SARAF: variants seen among roughly 807,000 people sequenced by gnomAD.
SARAF encodes the protein store-operated calcium entry associated regulatory factor.
A neutral mutation model predicts 39.7 loss-of-function variants in SARAF; 23 were observed. The ratio of observed to expected loss-of-function variants is 0.58; its 90% CI spans 0.42 to 0.82. The LOEUF (loss-of-function observed/expected upper bound fraction) is 0.82, where lower values mean the gene tolerates loss of function less well. SARAF is among the 40% of genes least tolerant of loss of function. SARAF has a pLI of 0.00. For missense variants in SARAF, 384 were observed against 418.5 expected (o/e 0.92, Z 0.72); for synonymous variants, 175 against 168.5 (o/e 1.04, Z -0.30).
At chr8:30,080,733 T>C (rs978980396) in intron 1 of SARAF, among the ~76,000 whole-genome samples, 5 of 152,332 alleles carry the variant, frequency 3.3e-5, no homozygotes, top group Admixed American at 2.6e-4. Flanking sequence ...TACTGCTCAA[T>C]GTGAGCTAAA....
At chr8:30,073,189 G>A (rs1385149659) in intron 2 of SARAF, among the ~76,000 whole-genome samples, 2 of 152,182 alleles carry the variant, frequency 1.3e-5, no homozygotes, top group African/African-American at 4.8e-5. Context: ...ATGGAGAGGG[G>A]AAATCGTCAA....
intron 5 of SARAF, chr8:30,065,647 G>T: frequency 4.5e-6 from 1 of 219,938 alleles, no homozygotes; most frequent in African/African-American, 2.3e-5. Flanking sequence ...TATCTTTTTT[G>T]AATGTTATTG....
At chr8:30,071,619 C>A (rs949207028) in intron 2 of SARAF, among the ~76,000 whole-genome samples, 2 of 152,184 alleles carry the variant, frequency 1.3e-5, no homozygotes, top group African/African-American at 4.8e-5. Flanking sequence ...AGCAGTCACT[C>A]TCCATTCTCC....
intron 2 of SARAF, 109 bp downstream of exon 2, chr8:30,073,768 T>C (rs917409984): frequency 2.3e-6 from 2 of 879,342 alleles, no homozygotes; most frequent in African/African-American, 3.4e-5. Flanking sequence ...TATTTTAGGC[T>C]GATCTGAGAT....
At chr8:30,077,300 A>G (rs1228734223) in intron 1 of SARAF, among the ~76,000 whole-genome samples, 2 of 152,108 alleles carry the variant, frequency 1.3e-5, no homozygotes, top group Non-Finnish European at 2.9e-5. Context: ...TACAAAAAAA[A>G]TTATAACATT....
chr8:30,064,550 TATATATA>T lies in SARAF; in HGVS notation c.995-644_995-638del, dbSNP rs1339749544. On this transcript the variant is annotated intron_variant, in intron 5 of 5. Coordinates refer to ENST00000256255, the MANE Select transcript of SARAF (RefSeq NM_016127.6). ...TTACCTAGCCATATATATATATATA[TATATATA>T]TATATTTTTTTTTTTTTTTTTTGAG... Among the ~76,000 whole-genome samples the T allele has an allele frequency of 1.1e-3, 45 of 39,890 alleles. 1 individual carries two copies. Among genetic ancestry groups the T allele is most frequent in the Non-Finnish European group, 1.5e-3 (31 of 20,778 alleles). 26.2% of individuals were successfully genotyped at this position (39,890 alleles called of 152,430 possible).
At chr8:30,070,194 G>A (rs139612716) in intron 2 of SARAF, 135 bp from the exon 3 acceptor site, 38 of 740,926 alleles carry the variant, frequency 5.1e-5, no homozygotes, top group Admixed American at 3.6e-4. Context: ...TGGATCACGC[G>A]GTCAGGAGTT....
chr8:30,066,585 A>G (rs1478374027), intron 4 of SARAF, among the ~76,000 whole-genome samples, 192 bp downstream of exon 4: 1 of 152,206 alleles, frequency 6.6e-6, no homozygotes, highest in Non-Finnish European at 1.5e-5. Flanking sequence ...GAAGAAACAC[A>G]GTGAAAGAAA....
intron 2 of SARAF, 125 bp downstream of exon 2, chr8:30,073,752 C>T (rs1801896274): frequency 1.4e-6 from 1 of 700,884 alleles, no homozygotes; most frequent in Non-Finnish European, 2.3e-6. Flanking sequence ...GATTGATTTA[C>T]TTACATATTT....
chr8:30,066,747 G>A (rs748145149), intron 4 of SARAF, 30 bp downstream of exon 4: 1 of 1,551,688 alleles, frequency 6.4e-7, no homozygotes, highest in African/African-American at 1.3e-5. Context: ...TTGAATTAAA[G>A]AGCAAGTGAG....
chr8:30,077,491 A>C (rs1002370014), intron 1 of SARAF, among the ~76,000 whole-genome samples: 3 of 152,014 alleles, frequency 2.0e-5, no homozygotes, highest in African/African-American at 7.3e-5. Context: ...AACTGTTAAA[A>C]GAAAATCTTC....
At chr8:30,071,078 T>C (rs974298484) in intron 2 of SARAF, among the ~76,000 whole-genome samples, 2 of 152,226 alleles carry the variant, frequency 1.3e-5, no homozygotes, top group African/African-American at 2.4e-5. Flanking sequence ...CGGTGGTTCA[T>C]GCTTGTAATC....
intron 1 of SARAF, among the ~76,000 whole-genome samples, chr8:30,077,488 A>G (rs1229067239): frequency 2.0e-5 from 3 of 152,020 alleles, no homozygotes; most frequent in African/African-American, 7.3e-5. Flanking sequence ...CAGAACTGTT[A>G]AAAGAAAATC....
rs557356140 is a variant in SARAF, at chr8:30,073,715, G to T, written c.282+162C>A. On this transcript the variant is annotated intron_variant, in intron 2 of 5. Transcript: ENST00000256255. ...GCTTTAAAATCAGTTCATTTCTTTT[G>T]GAGGCCATTTCTTCCACAGGAAGAG... is the stretch of plus-strand genomic sequence containing the variant. 8 of 549,462 alleles carry T rather than the reference G, an allele frequency of 1.5e-5. No individual in the cohort carries two copies. The South Asian group carries it at 2.6e-4, about 18-fold the overall frequency. The allele number at this position is 549,462 out of a possible 1,614,324, so 34.0% of individuals were successfully genotyped here.
rs997847483 is a variant in SARAF at position 30,083,050 on chromosome 8, G to A, written c.-101C>T. On this transcript the variant is annotated 5_prime_UTR_variant, in exon 1 of 6. Coordinates refer to ENST00000256255, the MANE Select transcript of SARAF (RefSeq NM_016127.6). ...GCGCAGCTACACCGCTACCCCTGGC[G>A]GCGGCGAAGGAACGGCCCGACTGCA... is the stretch of plus-strand genomic sequence containing the variant. 79 of 877,028 alleles carry A rather than the reference G, an allele frequency of 9.0e-5. No individual in the cohort carries two copies. The East Asian group carries it at 2.2e-3, about 24-fold the overall frequency. The allele number at this position is 877,028 out of a possible 1,614,324, so 54.3% of individuals were successfully genotyped here.
At chr8:30,069,133 C>CTTT (rs1491510056) in intron 3 of SARAF, among the ~76,000 whole-genome samples, 14 of 94,512 alleles carry the variant, frequency 1.5e-4, no homozygotes, top group Non-Finnish European at 2.0e-4. Flanking sequence ...TTTAATCAGG[C>CTTT]ATTTTTTTTT....
At chr8:30,072,471 C>T (rs890116684) in intron 2 of SARAF, among the ~76,000 whole-genome samples, 1 of 152,148 alleles carries the variant, frequency 6.6e-6, no homozygotes, top group African/African-American at 2.4e-5. Flanking sequence ...GCTGTTACTA[C>T]ACTGTTTTTA....
chr8:30,069,289 G>A (rs562429457), intron 3 of SARAF, among the ~76,000 whole-genome samples: 8 of 151,876 alleles, frequency 5.3e-5, no homozygotes, highest in South Asian at 2.1e-4. Flanking sequence ...ACAGGTGCCC[G>A]CCACAACACC....
At chr8:30,069,391 C>G (rs369248865) in intron 3 of SARAF, among the ~76,000 whole-genome samples, 6 of 152,032 alleles carry the variant, frequency 3.9e-5, no homozygotes, top group African/African-American at 1.4e-4. Flanking sequence ...CTGCCCACCC[C>G]GGCCTCCCAA....
Sources: gnomAD v4.1 joint callset for allele counts (sites outside exome capture counted in the v4.1 genomes callset) on GRCh38, gnomAD v4.1.1 for gene constraint, MANE v1.5 for transcripts, NCBI Gene and HGNC (gene_info 2026-07-23, HGNC 2026-07-21) for gene names.